Variants in LPCAT2 observed in about 807,000 individuals in gnomAD.
The protein encoded by LPCAT2 is lysophosphatidylcholine acyltransferase 2.
Under a neutral mutation model 64.7 loss-of-function variants are expected in LPCAT2, and 58 were observed. The ratio of observed to expected loss-of-function variants is 0.90; its 90% CI spans 0.73 to 1.12. The LOEUF (loss-of-function observed/expected upper bound fraction) is 1.12, where lower values mean the gene tolerates loss of function less well. Among genes scored for constraint, LPCAT2 ranks in the 50% most tolerant of loss-of-function variants. LPCAT2 has a pLI of 0.00. For synonymous variants in LPCAT2, 252 were observed against 245.3 expected (o/e 1.03, Z -0.26); for missense variants, 579 against 669.8 (o/e 0.86, Z 1.50).
chr16:55,536,483 G>C (rs1350971730), intron 7 of LPCAT2, among the ~76,000 whole-genome samples: 1 of 152,086 alleles, frequency 6.6e-6, no homozygotes, highest in Admixed American at 6.5e-5. Flanking sequence ...TTTATAGATA[G>C]TAAAAGATTT....
At chr16:55,559,853 G>A (rs1015202994) in intron 11 of LPCAT2, among the ~76,000 whole-genome samples, 2 of 150,004 alleles carry the variant, frequency 1.3e-5, no homozygotes, top group Non-Finnish European at 3.0e-5. Context: ...TGAAAGTTTG[G>A]TTCTATATGT....
At chr16:55,548,323 A>G (rs932094823) in intron 9 of LPCAT2, among the ~76,000 whole-genome samples, 3 of 152,166 alleles carry the variant, frequency 2.0e-5, no homozygotes, top group Non-Finnish European at 2.9e-5. Context: ...GTAGTGAAGT[A>G]GGAACTAGGA....
In LPCAT2 at chr16:55,579,250, T is replaced by C; in HGVS notation, c.1450+6T>C. On this transcript the variant is annotated splice_donor_region_variant and intron_variant, in intron 13 of 13. Coordinates refer to ENST00000262134, the MANE Select transcript of LPCAT2 (RefSeq NM_017839.5). Reference sequence around the variant, plus strand: ...AGGGGACTCAATTTCCTATGGTGAGTAGGCAATCTGGCCTCCTGACTTAGT... The same window carrying C: ...AGGGGACTCAATTTCCTATGGTGAGCAGGCAATCTGGCCTCCTGACTTAGT... 2 of 1,611,292 alleles carry C rather than the reference T, an allele frequency of 1.2e-6. No homozygotes were observed. Among genetic ancestry groups the C allele is most frequent in the Middle Eastern group, 1.7e-4 (1 of 5,982 alleles).
At chr16:55,528,740 C>T (rs1408490353) in intron 3 of LPCAT2, 146 bp downstream of exon 3, 1 of 654,160 alleles carries the variant, frequency 1.5e-6, no homozygotes, top group East Asian at 2.8e-5. Context: ...TAAGTTACTA[C>T]ATGGAAATAG....
At position 55,528,368 on chromosome 16, in the gene LPCAT2, T is replaced by G. The variant is rs1399729579; in HGVS notation, c.312-9T>G. 6.2e-7 allele frequency: 1 copy of G among 1,608,686 alleles called. No homozygotes were observed. Among genetic ancestry groups the G allele is most frequent in the African/African-American group, 1.3e-5 (1 of 74,816 alleles). On this transcript the variant is annotated splice_polypyrimidine_tract_variant and intron_variant, in intron 2 of 13. Transcript: ENST00000262134. ...CAGAGCTAATTACATCTTTTCTATA[T>G]TTTCAAAGGAAAATTACTCAAACAG...
At chr16:55,539,192 T>G (rs1235003000) in intron 8 of LPCAT2, 4 of 144,578 alleles carry the variant, frequency 2.8e-5, no homozygotes, top group African/African-American at 1.0e-4. Context: ...CAGATTCCTC[T>G]TTTTTTTTTT....
intron 1 of LPCAT2, among the ~76,000 whole-genome samples, chr16:55,517,784 C>G (rs530609400): frequency 6.6e-6 from 1 of 152,218 alleles, no homozygotes; most frequent in South Asian, 2.1e-4. Flanking sequence ...AAAAACCACT[C>G]AATAAACTAA....
chr16:55,569,556 C>T (rs168822), intron 11 of LPCAT2, among the ~76,000 whole-genome samples: 58,383 of 152,056 alleles, frequency 0.38, 12,382 homozygotes, highest in Non-Finnish European at 0.47. Context: ...ATTTTTGTTC[C>T]TCACTTTATT....
At position 55,567,078 on chromosome 16, in the gene LPCAT2, CT is replaced by C. The variant is rs139521880; in HGVS notation, c.1216-7550del. On this transcript the variant is annotated intron_variant, in intron 11 of 13. Coordinates refer to ENST00000262134, the MANE Select transcript of LPCAT2 (RefSeq NM_017839.5). ...TCTGATGAATATTCTCAACAAAGTC[CT>C]TTCTAAGCACAAAGATCTTAAGACT... 4.7e-5 allele frequency: 76 copies of C among 1,613,794 alleles called. No homozygotes were observed. In the African/African-American group the frequency reaches 9.9e-4, roughly 21 times the overall value.
Position 55,544,462 on chromosome 16 carries a change from G to C in LPCAT2, c.853-1273G>C, listed in dbSNP as rs184905621. Among the ~76,000 whole-genome samples, 598 of 152,274 alleles carry C rather than the reference G, an allele frequency of 3.9e-3. 3 individuals carry two copies. Among genetic ancestry groups the C allele is most frequent in the African/African-American group, 0.013 (541 of 41,556 alleles). The stretch of plus-strand genomic sequence containing the variant: ...CTGAATGGAGAGCTTCTTGAGGGCA[G>C]GGACTTTGCTGTCATGTTTGTAGGG... On this transcript the variant is annotated intron_variant, in intron 8 of 13. Transcript: ENST00000262134.
At chr16:55,577,302 A>G (rs777197245) in intron 12 of LPCAT2, among the ~76,000 whole-genome samples, 16 of 134,414 alleles carry the variant, frequency 1.2e-4, no homozygotes, top group East Asian at 8.4e-4. Context: ...TTTGCTTATT[A>G]TTTTTTTCAT....
chr16:55,550,808 A>T, intron 10 of LPCAT2, 141 bp from the exon 11 acceptor site: 1 of 596,578 alleles, frequency 1.7e-6, no homozygotes, highest in Non-Finnish European at 2.7e-6. Flanking sequence ...TGTGCTTTTA[A>T]GTACCTATTT....
chr16:55,526,205 T>G (rs1014269871), intron 2 of LPCAT2: 1 of 152,206 alleles, frequency 6.6e-6, no homozygotes, highest in Non-Finnish European at 1.5e-5. Flanking sequence ...AGAATGGAAC[T>G]GCTTTTCAGG....
intron 1 of LPCAT2, among the ~76,000 whole-genome samples, chr16:55,520,012 G>GA (rs1278264450): frequency 6.6e-6 from 1 of 151,986 alleles, no homozygotes; most frequent in Non-Finnish European, 1.5e-5. Flanking sequence ...GGGATATATA[G>GA]AAAAGAAATA....
chr16:55,560,977 C>T (rs1413754241), intron 11 of LPCAT2, among the ~76,000 whole-genome samples: 1 of 151,990 alleles, frequency 6.6e-6, no homozygotes, highest in African/African-American at 2.4e-5. Context: ...TAGTTCCTGT[C>T]ACCTACTTAT....
chr16:55,576,185 CTT>C (rs5817022), intron 12 of LPCAT2, among the ~76,000 whole-genome samples: 1 of 145,520 alleles, frequency 6.9e-6, no homozygotes. Context: ...CTATAATTAG[CTT>C]TTTTTTTTTT....
intron 1 of LPCAT2, among the ~76,000 whole-genome samples, chr16:55,517,162 A>G (rs534701099): frequency 6.6e-6 from 1 of 152,268 alleles, no homozygotes; most frequent in South Asian, 2.1e-4. Context: ...TTAAGAGAGG[A>G]CAATACTACT....
Position 55,585,013 on chromosome 16 carries a change from C to T in LPCAT2, c.*1915C>T, listed in dbSNP as rs939224069. The T allele has an allele frequency of 8.5e-5, 13 of 152,094 alleles. No individual in the cohort carries two copies. Among genetic ancestry groups the T allele is most frequent in the Non-Finnish European group, 1.3e-4 (9 of 67,996 alleles). The allele number at this position is 152,094 out of a possible 1,614,324, so 9.4% of individuals were successfully genotyped here. On this transcript the variant is annotated 3_prime_UTR_variant, in exon 14 of 14. Coordinates refer to ENST00000262134, the MANE Select transcript of LPCAT2 (RefSeq NM_017839.5). ...ACATTAATCCTATTAATCATGAAAG[C>T]GTAGCATTGTAAATTAAAGGTTTTC...
intron 11 of LPCAT2, among the ~76,000 whole-genome samples, chr16:55,568,222 T>G (rs1567405422): frequency 6.6e-6 from 1 of 152,222 alleles, no homozygotes; most frequent in Non-Finnish European, 1.5e-5. Flanking sequence ...TAAAACAATA[T>G]GCTCATAGTT....
Sources: gnomAD v4.1 joint callset for allele counts (sites outside exome capture counted in the v4.1 genomes callset) on GRCh38, gnomAD v4.1.1 for gene constraint, MANE v1.5 for transcripts, NCBI Gene and HGNC (gene_info 2026-07-23, HGNC 2026-07-21) for gene names.